EML2: variants seen among roughly 807,000 people sequenced by gnomAD.
The protein encoded by EML2 is EMAP like 2, also known as echinoderm microtubule-associated protein-like 2.
In EML2, 59 loss-of-function variants were observed where a neutral mutation model predicts 84.7. The observed-to-expected ratio is 0.70, with a 90% CI of 0.56 to 0.86. The LOEUF (loss-of-function observed/expected upper bound fraction) is 0.86, where lower values mean the gene tolerates loss of function less well. Among genes scored for constraint, EML2 ranks in the 40% least tolerant of loss-of-function variants. The pLI is 0.00. For missense variants in EML2, 818 were observed against 855.6 expected, an observed-to-expected ratio of 0.96 and a Z score of 0.55; for synonymous variants, 352 against 348.9, an observed-to-expected ratio of 1.01 and a Z score of -0.10.
At chr19:45,618,757 A>T (rs1971364827) in intron 12 of EML2, 1 of 163,116 alleles carries the variant, frequency 6.1e-6, no homozygotes, top group African/African-American at 2.4e-5. Context: ...GACCAGCCTG[A>T]CCAACATGGT....
rs934461014 is a variant in EML2 at position 45,626,811 on chromosome 19, G to A, written c.635C>T (p.Thr212Ile). 6.8e-6 allele frequency: 11 copies of A among 1,613,664 alleles called. No individual in the cohort carries two copies. Among genetic ancestry groups the A allele is most frequent in the Non-Finnish European group, 9.3e-6 (11 of 1,179,922 alleles). ...KCSNEAVLVA[T>I]FHPTDPTVLI... ...CACAGTGGGGTCCGTGGGGTGGAAG[G>A]TGGCCACCAATACAGCCTCATTGGA... Residue 212 changes from threonine (T) to isoleucine (I), a missense_variant, in exon 8 of 19, where the codon ACC (threonine) becomes ATC (isoleucine). Coordinates refer to ENST00000245925, the MANE Select transcript of EML2 (RefSeq NM_012155.4).
chr19:45,641,976 C>T (rs1466198825), upstream of EML2: 22 of 1,444,696 alleles, frequency 1.5e-5, no homozygotes, highest in South Asian at 2.8e-4. Context: ...TAGCCACCCA[C>T]GCGCCGCGGG....
At chr19:45,620,869 C>G (rs377555675) in intron 11 of EML2, 68 of 411,260 alleles carry the variant, frequency 1.7e-4, no homozygotes, top group East Asian at 1.6e-3. Flanking sequence ...AGGACCTTCC[C>G]CAATCCGTGG....
chr19:45,621,256 T>C lies in EML2; in HGVS notation c.1073A>G (p.Asn358Ser), dbSNP rs1207553183. Residue 358 changes from asparagine to serine, a missense_variant, in exon 11 of 19, where the codon AAT becomes AGT. Physicochemically the swap from Asn to Ser is conservative, Grantham distance 46 (BLOSUM62 1). Transcript: ENST00000245925. The stretch of plus-strand genomic sequence containing the variant: ...GTGCACGGAGCCCTGCAGGATGGAA[T>C]TGCGGGTGGTCCCCACGTACAGTGT... The part of the protein sequence containing the change: ...GDTLYVGTTR[N>S]SILQGSVHTG... 2.5e-6 allele frequency: 4 copies of C among 1,613,860 alleles called. No homozygotes were observed. Among genetic ancestry groups the C allele is most frequent in the East Asian group, 2.2e-5 (1 of 44,858 alleles).
chr19:45,624,768 G>T lies in EML2; in HGVS notation c.792C>A (p.Gly264=). The part of the protein sequence containing the change: ...YVLCVTFLEG[G]DVVTGDSGGN... ...CCCCAGAGTCCCCCGTGACCACGTC[G>T]CCACCTTCCAAAAAGGTCACACACA... The change falls in exon 9 of 19, where the codon GGC becomes GGA. Residue 264 remains glycine, a synonymous_variant. Transcript: ENST00000245925. 1.2e-6 allele frequency: 2 copies of T among 1,613,754 alleles called. No homozygotes were observed. The highest frequency in any genetic ancestry group is 2.2e-5 in the South Asian group (2 of 91,046).
chr19:45,618,566 C>T (rs1971346779), intron 12 of EML2, among the ~76,000 whole-genome samples: 1 of 151,978 alleles, frequency 6.6e-6, no homozygotes, highest in Admixed American at 6.6e-5. Context: ...TCCTGGGCTC[C>T]CTTCCAGTCA....
intron 4 of EML2, 128 bp downstream of exon 4, chr19:45,634,194 G>A (rs1409188201): frequency 2.5e-6 from 3 of 1,215,200 alleles, no homozygotes; most frequent in Non-Finnish European, 3.5e-6. Flanking sequence ...GCTTTGGAGA[G>A]GGAGCAAAGG....
At chr19:45,617,481 C>G in intron 13 of EML2, 149 bp downstream of exon 13, 1 of 653,074 alleles carries the variant, frequency 1.5e-6, no homozygotes, top group Non-Finnish European at 2.5e-6. Context: ...TCGCTTGAAC[C>G]TGGGAGGCAG....
intron 18 of EML2, among the ~76,000 whole-genome samples, chr19:45,610,849 A>T (rs984664876): frequency 6.6e-6 from 1 of 152,184 alleles, no homozygotes; most frequent in African/African-American, 2.4e-5. Flanking sequence ...AAAAAACAAA[A>T]ACAAACAAAA....
chr19:45,639,528 G>C, upstream of EML2: 2 of 705,238 alleles, frequency 2.8e-6, no homozygotes, highest in South Asian at 7.2e-5. Flanking sequence ...ACACATCCCG[G>C]GCTGTGGACT....
upstream of EML2, among the ~76,000 whole-genome samples, chr19:45,643,404 G>C (rs1319121447): frequency 6.6e-6 from 1 of 152,164 alleles, no homozygotes; most frequent in Non-Finnish European, 1.5e-5. Context: ...CCTCTTTTCT[G>C]TTCCCCTTCT....
At chr19:45,645,142 C>G, upstream of EML2, 1 of 1,076,758 alleles carries the variant, frequency 9.3e-7, no homozygotes, top group Non-Finnish European at 1.3e-6. Context: ...GGTCAGGGTC[C>G]TGCTGAGGGA....
chr19:45,641,751 A>G (rs1158171824), upstream of EML2: 14 of 1,535,934 alleles, frequency 9.1e-6, no homozygotes, highest in Middle Eastern at 1.7e-4. Flanking sequence ...GGACACTGCT[A>G]AAAGAGAGCA....
chr19:45,628,730 G>A (rs980975252), intron 7 of EML2: 1 of 151,990 alleles, frequency 6.6e-6, no homozygotes, highest in African/African-American at 2.4e-5. Flanking sequence ...GGCTGAGTCA[G>A]GAGAATCGCT....
Position 45,634,441 on chromosome 19 carries a change from G to A in EML2, c.210C>T (p.Ala70=), listed in dbSNP as rs762756676. ...CCCCGGTGGGCAGCAAATAAAGGTTGGCCCGGCAGTCTCGGCCACGGTAGC... is the reference window on the plus strand; with the variant it reads ...CCCCGGTGGGCAGCAAATAAAGGTTAGCCCGGCAGTCTCGGCCACGGTAGC... ...VYGYRGRDCR[A]NLYLLPTGEI... The change falls in exon 4 of 19, where the codon GCC becomes GCT. Residue 70 remains alanine, a synonymous_variant. Coordinates refer to ENST00000245925, the MANE Select transcript of EML2 (RefSeq NM_012155.4). The A allele has an allele frequency of 3.1e-6, 5 of 1,613,510 alleles. No homozygotes were observed. The highest frequency in any genetic ancestry group is 1.1e-5 in the South Asian group (1 of 91,028).
At chr19:45,612,965 A>G (rs1238783744) in intron 18 of EML2, among the ~76,000 whole-genome samples, 1 of 151,828 alleles carries the variant, frequency 6.6e-6, no homozygotes, top group East Asian at 1.9e-4. Context: ...TGGTGCAATC[A>G]TGGCTCACTG....
Position 45,621,515 on chromosome 19 carries a change from C to G in EML2, c.964G>C (p.Gly322Arg), listed in dbSNP as rs1289658695. ...TCCTGCAGCTTGCTGTAGTCAGAAC[C>G]CCAGAGGACCACCCGCCGATCACGG... is the stretch of plus-strand genomic sequence containing the variant. Reference protein sequence around the residue: ...GGRDRRVVLWGSDYSKLQEVE... With the variant: ...GGRDRRVVLWRSDYSKLQEVE... The change falls in exon 10 of 19, where the codon GGT becomes CGT. Residue 322 changes from glycine (G) to arginine (R), a missense_variant. Coordinates refer to ENST00000245925, the MANE Select transcript of EML2 (RefSeq NM_012155.4). 5 of 1,611,978 alleles carry G rather than the reference C, an allele frequency of 3.1e-6. No homozygotes were observed. The East Asian group carries it at 1.1e-4, about 36-fold the overall frequency.
chr19:45,629,838 G>T (rs1286590739), intron 7 of EML2, 113 bp downstream of exon 7: 6 of 813,636 alleles, frequency 7.4e-6, no homozygotes, highest in Non-Finnish European at 1.3e-5. Context: ...AGCCAGCAAG[G>T]AGTAAAGCCA....
Position 45,616,663 on chromosome 19 carries a change from C to T in EML2, c.1411+102G>A. 4 of 1,392,736 alleles carry T rather than the reference C, an allele frequency of 2.9e-6. No homozygotes were observed. The South Asian group carries it at 3.6e-5, about 12-fold the overall frequency. The allele number at this position is 1,392,736 out of a possible 1,614,324, so 86.3% of individuals were successfully genotyped here. A position where few individuals can be genotyped will look rare whatever the true frequency, so the allele number is the denominator to read the frequency against. ...CCCCAGCTCCATCCCCACTGCATCCCTCCTAGGCCTCGCTTCGCAGGCTCC... is the reference window on the plus strand; with the variant it reads ...CCCCAGCTCCATCCCCACTGCATCCTTCCTAGGCCTCGCTTCGCAGGCTCC... On this transcript the variant is annotated intron_variant, in intron 14 of 18. Transcript: ENST00000245925.
Sources: allele counts gnomAD v4.1 joint callset (sites outside exome capture counted in the v4.1 genomes callset), GRCh38; gene constraint gnomAD v4.1.1; transcripts MANE v1.5; gene names NCBI Gene and HGNC (gene_info 2026-07-23, HGNC 2026-07-21).